CACNA2D3: variants seen among roughly 807,000 people sequenced by gnomAD.
CACNA2D3 encodes calcium voltage-gated channel auxiliary subunit alpha2delta 3.
A neutral mutation model predicts 160.6 loss-of-function variants in CACNA2D3; 60 were observed. The observed-to-expected ratio is 0.37, with a 90% confidence interval of 0.30 to 0.46. The LOEUF is 0.46. Among genes scored for constraint, CACNA2D3 ranks in the 20% least tolerant of loss-of-function variants. CACNA2D3 has a pLI of 1.00. For synonymous variants in CACNA2D3, 558 were observed against 492.9 expected (o/e 1.13, Z -1.75); for missense variants, 1,205 against 1,365.0 (o/e 0.88, Z 1.85).
intron 14 of CACNA2D3, among the ~76,000 whole-genome samples, chr3:54,830,785 T>G (rs1703859236): frequency 6.6e-6 from 1 of 152,070 alleles, no homozygotes; most frequent in Non-Finnish European, 1.5e-5. Flanking sequence ...CCCCTAAATA[T>G]ATTTTTGTTT....
chr3:54,582,542 A>G (rs1466637729), intron 9 of CACNA2D3, among the ~76,000 whole-genome samples: 1 of 152,168 alleles, frequency 6.6e-6, no homozygotes, highest in African/African-American at 2.4e-5. Flanking sequence ...AACCACCACT[A>G]TACCACCCCT....
intron 27 of CACNA2D3, among the ~76,000 whole-genome samples, chr3:54,941,252 T>C (rs1357322718): frequency 2.6e-5 from 4 of 152,244 alleles, no homozygotes; most frequent in Non-Finnish European, 5.9e-5. Flanking sequence ...GGGCATATAG[T>C]GTTTCCATGG....
chr3:54,494,486 A>T (rs542918914), intron 4 of CACNA2D3, among the ~76,000 whole-genome samples: 1 of 152,314 alleles, frequency 6.6e-6, no homozygotes, highest in South Asian at 2.1e-4. Flanking sequence ...CTGCTTTCAG[A>T]GAGCCTGTGC....
At chr3:55,006,627 G>A (rs944290623) in intron 32 of CACNA2D3, among the ~76,000 whole-genome samples, 1 of 152,202 alleles carries the variant, frequency 6.6e-6, no homozygotes, top group Non-Finnish European at 1.5e-5. Context: ...TGATGTGGAA[G>A]CACTCGGTTG....
intron 8 of CACNA2D3, among the ~76,000 whole-genome samples, chr3:54,574,252 A>G (rs998785412): frequency 2.0e-5 from 3 of 152,134 alleles, no homozygotes; most frequent in Admixed American, 2.0e-4. Flanking sequence ...TTGTTTGTGC[A>G]AATCTAATTC....
intron 4 of CACNA2D3, among the ~76,000 whole-genome samples, chr3:54,494,244 A>G (rs1332990238): frequency 1.3e-5 from 2 of 152,236 alleles, no homozygotes; most frequent in African/African-American, 2.4e-5. Context: ...GAGCCTCATA[A>G]TTAGAGCAAT....
chr3:54,459,899 G>C (rs1015655736), intron 4 of CACNA2D3, among the ~76,000 whole-genome samples: 5 of 152,122 alleles, frequency 3.3e-5, no homozygotes, highest in Non-Finnish European at 4.4e-5. Flanking sequence ...GGTTTTTATG[G>C]TTTTAGGTCT....
At chr3:55,043,066 A>T (rs903805699) in intron 35 of CACNA2D3, among the ~76,000 whole-genome samples, 1 of 152,224 alleles carries the variant, frequency 6.6e-6, no homozygotes, top group African/African-American at 2.4e-5. Context: ...CACCATAAAC[A>T]TTCACATGTA....
intron 2 of CACNA2D3, among the ~76,000 whole-genome samples, chr3:54,142,431 A>G (rs751663982): frequency 4.6e-5 from 7 of 151,548 alleles, no homozygotes; most frequent in African/African-American, 9.7e-5. Flanking sequence ...CCTTATTCCA[A>G]CCTCCTCCTC....
intron 2 of CACNA2D3, among the ~76,000 whole-genome samples, chr3:54,141,009 G>A (rs549282404): frequency 6.6e-6 from 1 of 151,822 alleles, no homozygotes; most frequent in Admixed American, 6.6e-5. Context: ...GCACCTCTCT[G>A]TGGTGTTGTC....
At chr3:54,967,135 T>C (rs192985612) in intron 27 of CACNA2D3, 6 of 152,338 alleles carry the variant, frequency 3.9e-5, no homozygotes, top group African/African-American at 1.4e-4. Flanking sequence ...GTCTTTATCC[T>C]AGAGTCGGAA....
intron 27 of CACNA2D3, among the ~76,000 whole-genome samples, chr3:54,948,178 C>T (rs1250337493): frequency 2.6e-5 from 4 of 152,158 alleles, no homozygotes; most frequent in African/African-American, 9.7e-5. Flanking sequence ...GCTCACTTTC[C>T]CCTGGTTGTC....
At chr3:54,383,549 A>G (rs193181350) in intron 3 of CACNA2D3, among the ~76,000 whole-genome samples, 577 of 152,336 alleles carry the variant, frequency 3.8e-3, no homozygotes, top group Non-Finnish European at 6.7e-3. Flanking sequence ...ATGATGGAAA[A>G]AATATCTTCA....
intron 35 of CACNA2D3, among the ~76,000 whole-genome samples, chr3:55,072,710 T>C (rs183983138): frequency 2.6e-5 from 4 of 152,344 alleles, no homozygotes; most frequent in Admixed American, 2.6e-4. Flanking sequence ...TAGTGTTTTG[T>C]GTTTGTTAAA....
intron 4 of CACNA2D3, among the ~76,000 whole-genome samples, chr3:54,467,605 AT>A (rs1700651858): frequency 6.6e-6 from 1 of 152,208 alleles, no homozygotes; most frequent in Admixed American, 6.5e-5. Flanking sequence ...GAGACATTAT[AT>A]TGAGTGAAAT....
chr3:54,496,783 G>A (rs1701210134), intron 4 of CACNA2D3, among the ~76,000 whole-genome samples: 1 of 152,112 alleles, frequency 6.6e-6, no homozygotes, highest in Non-Finnish European at 1.5e-5. Context: ...ATTTAAGTCT[G>A]TCATCCATCT....
chr3:54,249,558 TACACACACAC>T (rs149515122), intron 2 of CACNA2D3, among the ~76,000 whole-genome samples: 4 of 123,878 alleles, frequency 3.2e-5, no homozygotes, highest in East Asian at 4.8e-4. Flanking sequence ...TCTGTTTACG[TACACACACAC>T]ACACACACAC....
At chr3:54,454,360 T>C (rs1424422307) in intron 4 of CACNA2D3, among the ~76,000 whole-genome samples, 14 of 152,162 alleles carry the variant, frequency 9.2e-5, no homozygotes, top group Non-Finnish European at 1.8e-4. Context: ...AAAGTTCTCT[T>C]GTACCCCGGT....
Position 54,125,387 on chromosome 3 carries a change from A to AGCTTT in CACNA2D3, c.204+1804_204+1808dup, listed in dbSNP as rs1454349336. The stretch of plus-strand genomic sequence containing the variant: ...CATCCTTTCTGATATTGAATTCACT[A>AGCTTT]GCTTTGCTTTGCTTTTGTCATGTTT... On this transcript the variant is annotated intron_variant, in intron 2 of 37. Coordinates refer to ENST00000474759, the MANE Select transcript of CACNA2D3 (RefSeq NM_018398.3). 5.9e-4 allele frequency among the ~76,000 whole-genome samples: 90 copies of AGCTTT among 152,108 alleles called. 2 individuals are homozygous for AGCTTT. Among genetic ancestry groups the AGCTTT allele is most frequent in the African/African-American group, 2.1e-3 (88 of 41,482 alleles).
Sources: gnomAD v4.1 joint callset for allele counts (sites outside exome capture counted in the v4.1 genomes callset) on GRCh38, gnomAD v4.1.1 for gene constraint, MANE v1.5 for transcripts, NCBI Gene and HGNC (gene_info 2026-07-23, HGNC 2026-07-21) for gene names.